The following PLXNA4 variants were observed in gnomAD, a reference collection of about 807,000 sequenced individuals.
PLXNA4 encodes plexin A4.
A neutral mutation model predicts 191.8 loss-of-function variants in PLXNA4; 44 were observed. The ratio of observed to expected loss-of-function variants is 0.23; its 90% CI spans 0.18 to 0.29. The LOEUF is 0.29. Among genes scored for constraint, PLXNA4 ranks in the 10% least tolerant of loss-of-function variants. PLXNA4 has a pLI of 1.00. For missense variants in PLXNA4, 1,800 were observed against 2,488.8 expected (o/e 0.72, Z 5.89); for synonymous variants, 1,082 against 1,009.5 (o/e 1.07, Z -1.36).
chr7:132,534,472 T>C (rs1023998877), intron 1 of PLXNA4, among the ~76,000 whole-genome samples: 8 of 152,152 alleles, frequency 5.3e-5, no homozygotes, highest in Non-Finnish European at 7.3e-5. Flanking sequence ...CTAAGCCTGA[T>C]GCAGAGACCG....
chr7:132,501,314 C>T lies in PLXNA4; in HGVS notation c.1188+6192G>A, dbSNP rs115765734. 6.6e-3 allele frequency among the ~76,000 whole-genome samples: 1,007 copies of T among 152,202 alleles called. 13 individuals are homozygous for T. The highest frequency in any genetic ancestry group is 0.023 in the African/African-American group (956 of 41,536). ...AGGACAGAAAGAATGGGTGTGTGCA[C>T]ATGGGTGTGCTATGGGTGTGTACGC... On this transcript the variant is annotated intron_variant, in intron 2 of 31. Transcript: ENST00000321063.
At chr7:132,291,388 C>G (rs1240115157) in intron 4 of PLXNA4, among the ~76,000 whole-genome samples, 1 of 152,192 alleles carries the variant, frequency 6.6e-6, no homozygotes. Flanking sequence ...ATTACCTGAT[C>G]TAAGCCATTC....
Position 132,182,139 on chromosome 7 carries a change from G to T in PLXNA4, c.3210C>A (p.Asn1070Lys). 2 of 1,614,190 alleles carry T rather than the reference G, an allele frequency of 1.2e-6. No individual in the cohort carries two copies. The highest frequency in any genetic ancestry group is 1.1e-5 in the South Asian group (1 of 91,086). ...CTCCATGCTTGGCACGGATCTGGGG[G>T]TTCTGTATGAGGTCCAGGTGGGTCC... The part of the protein sequence containing the change: ...VWGTHLDLIQ[N>K]PQIRAKHGGK... Residue 1070 changes from asparagine (N) to lysine (K), a missense_variant, in exon 17 of 32, where the codon AAC (asparagine) becomes AAA (lysine). Around this residue, in one of 6 missense-constraint regions of PLXNA4, gnomAD observed 1,397 missense variants for 1,880.4 expected, o/e 0.74. Coordinates refer to ENST00000321063, the MANE Select transcript of PLXNA4 (RefSeq NM_020911.2).
chr7:132,612,546 C>T (rs1303717161), intron 2 of PLXNA4, among the ~76,000 whole-genome samples: 1 of 151,798 alleles, frequency 6.6e-6, no homozygotes, highest in Non-Finnish European at 1.5e-5. Flanking sequence ...CAACTGTAAT[C>T]CCACCTACTT....
In PLXNA4 at chr7:132,156,164, ACACACACACACACACACAGACG is replaced by A. The variant is rs1404364339; in HGVS notation, c.4660+3287_4660+3308del. On this transcript the variant is annotated intron_variant, in intron 25 of 31. Coordinates refer to ENST00000321063, the MANE Select transcript of PLXNA4 (RefSeq NM_020911.2). The stretch of plus-strand genomic sequence containing the variant: ...CACACACACACACACACACACACAC[ACACACACACACACACACAGACG>A]CACACACGCACACAACCCTTGTTTC... 3.3e-5 allele frequency among the ~76,000 whole-genome samples: 5 copies of A among 151,734 alleles called. 1 individual carries two copies. The highest frequency in any genetic ancestry group is 1.2e-4 in the African/African-American group (5 of 41,400).
chr7:132,341,656 G>A (rs1481042733), intron 3 of PLXNA4, among the ~76,000 whole-genome samples: 3 of 152,092 alleles, frequency 2.0e-5, no homozygotes, highest in Non-Finnish European at 2.9e-5. Flanking sequence ...TTTGGCCCCA[G>A]CCCCCCTAGC....
chr7:132,176,725 AGTGT>A (rs1654835849), intron 20 of PLXNA4, among the ~76,000 whole-genome samples: 1 of 149,780 alleles, frequency 6.7e-6, no homozygotes, highest in African/African-American at 2.5e-5. Context: ...TATGTCAATG[AGTGT>A]GTATGTGTGT....
At chr7:132,593,015 C>T (rs1250010269) in intron 2 of PLXNA4, among the ~76,000 whole-genome samples, 1 of 152,188 alleles carries the variant, frequency 6.6e-6, no homozygotes, top group Non-Finnish European at 1.5e-5. Flanking sequence ...GTGATCTACC[C>T]AACCTATGTT....
chr7:132,614,623 C>G (rs1186505067), intron 2 of PLXNA4, among the ~76,000 whole-genome samples: 1 of 152,236 alleles, frequency 6.6e-6, no homozygotes, highest in East Asian at 1.9e-4. Context: ...AGGCACCAGA[C>G]GCAGGCCCCA....
chr7:132,614,238 T>G (rs1803108339), intron 2 of PLXNA4, among the ~76,000 whole-genome samples: 1 of 152,202 alleles, frequency 6.6e-6, no homozygotes, highest in Non-Finnish European at 1.5e-5. Flanking sequence ...ATCAACAATA[T>G]AAACGATTAT....
At position 132,220,113 on chromosome 7, in the gene PLXNA4, A is replaced by G. The variant is rs749362314; in HGVS notation, c.2097+3414T>C. Among the ~76,000 whole-genome samples, 8 of 152,250 alleles carry G rather than the reference A, an allele frequency of 5.3e-5. No individual in the cohort carries two copies. In the South Asian group the frequency reaches 6.2e-4, roughly 12 times the overall value. The stretch of plus-strand genomic sequence containing the variant: ...AAAATATAGCAAGCAAAACAAAACA[A>G]CAACATAAAAAAATCCTCATATTTA... On this transcript the variant is annotated intron_variant, in intron 9 of 31. Coordinates refer to ENST00000321063, the MANE Select transcript of PLXNA4 (RefSeq NM_020911.2).
At chr7:132,345,606 T>G (rs1803215484) in intron 3 of PLXNA4, among the ~76,000 whole-genome samples, 1 of 152,190 alleles carries the variant, frequency 6.6e-6, no homozygotes, top group African/African-American at 2.4e-5. Context: ...TATAGAGTTG[T>G]GCTCCCTAAA....
chr7:132,375,555 G>A (rs1804626935), intron 3 of PLXNA4, among the ~76,000 whole-genome samples: 1 of 152,158 alleles, frequency 6.6e-6, no homozygotes, highest in South Asian at 2.1e-4. Context: ...AGAAAGACAG[G>A]CAGTTGATTA....
At chr7:132,598,382 T>G (rs1802756664) in intron 2 of PLXNA4, among the ~76,000 whole-genome samples, 1 of 152,220 alleles carries the variant, frequency 6.6e-6, no homozygotes, top group Non-Finnish European at 1.5e-5. Flanking sequence ...GTGCTGGGAT[T>G]ACAGGCGTGA....
intron 21 of PLXNA4, among the ~76,000 whole-genome samples, chr7:132,171,347 T>C (rs968628258): frequency 6.6e-6 from 1 of 152,214 alleles, no homozygotes; most frequent in African/African-American, 2.4e-5. Context: ...CAGGCAGTGC[T>C]GGATTATGAA....
Position 132,508,816 on chromosome 7 carries a change from C to A in PLXNA4, c.-86-37G>T. 1 of 1,424,078 alleles carries A rather than the reference C, an allele frequency of 7.0e-7. No homozygotes were observed. The allele number at this position is 1,424,078 out of a possible 1,614,324, so 88.2% of individuals were successfully genotyped here. A position where few individuals can be genotyped will look rare whatever the true frequency, so the allele number is the denominator to read the frequency against. On this transcript the variant is annotated intron_variant, in intron 1 of 31. Transcript: ENST00000321063. The surrounding 1 kb of genome is among the most constrained non-coding windows in gnomAD (Gnocchi z 4.4). ...GAAGACAATGAGCTGGATAACAATG[C>A]CAGTGGCTTCATTTCACCCCACAGC...
intron 4 of PLXNA4, among the ~76,000 whole-genome samples, chr7:132,250,417 A>G (rs954168752): frequency 6.6e-6 from 1 of 152,246 alleles, no homozygotes; most frequent in African/African-American, 2.4e-5. Flanking sequence ...TACGTGTTCC[A>G]AGAATCCCCT....
intron 25 of PLXNA4, among the ~76,000 whole-genome samples, chr7:132,151,293 AG>A (rs1795597027): frequency 1.8e-5 from 1 of 55,574 alleles, no homozygotes; most frequent in Non-Finnish European, 5.0e-5. Context: ...AGGAGGAGGA[AG>A]AAGAAGGAGG....
intron 3 of PLXNA4, among the ~76,000 whole-genome samples, chr7:132,464,634 G>A (rs998385853): frequency 3.3e-5 from 5 of 152,220 alleles, no homozygotes; most frequent in Non-Finnish European, 5.9e-5. Flanking sequence ...AATGTAACCC[G>A]AGATTCACAT....
Sources: gnomAD v4.1 joint callset for allele counts (sites outside exome capture counted in the v4.1 genomes callset) on GRCh38, gnomAD v4.1.1 for gene constraint, gnomAD v4.1.1 regional missense constraint, Gnocchi (gnomAD v3.1) non-coding constraint, MANE v1.5 for transcripts, NCBI Gene and HGNC (gene_info 2026-07-23, HGNC 2026-07-21) for gene names.